The following ADAMTSL1 variants were observed in gnomAD, a reference collection of about 807,000 sequenced individuals.
The protein encoded by ADAMTSL1 is ADAMTS like 1.
ADAMTSL1 carries 126 observed loss-of-function variants against 201.8 expected under a neutral mutation model. The ratio of observed to expected loss-of-function variants is 0.62; its 90% CI spans 0.54 to 0.72. The LOEUF (loss-of-function observed/expected upper bound fraction) is 0.72, where lower values mean the gene tolerates loss of function less well. Among genes scored for constraint, ADAMTSL1 ranks in the 30% least tolerant of loss-of-function variants. ADAMTSL1 has a pLI of 0.00. For missense variants in ADAMTSL1, 2,679 were observed against 2,277.8 expected, an observed-to-expected ratio of 1.18 and a Z score of -3.59; for synonymous variants, 1,121 against 903.4, an observed-to-expected ratio of 1.24 and a Z score of -4.32.
chr9:18,787,575 A>T (rs905116677), intron 19 of ADAMTSL1, among the ~76,000 whole-genome samples: 4 of 152,008 alleles, frequency 2.6e-5, no homozygotes, highest in Admixed American at 6.6e-5. Flanking sequence ...AGAAATGAAA[A>T]TTTTTCCATG....
rs149400045 is a variant in ADAMTSL1, at chr9:17,982,851, C to G, written c.87+75929C>G. Among the ~76,000 whole-genome samples the G allele has an allele frequency of 2.6e-3, 391 of 151,930 alleles. 3 individuals are homozygous for G. Among genetic ancestry groups the G allele is most frequent in the African/African-American group, 8.9e-3 (370 of 41,446 alleles). ...AGTCTCAGCTTATTATCACTTATCA[C>G]CAAGATAATGGCAGTTCTCACTTGG... On this transcript the variant is annotated intron_variant, in intron 1 of 29. Coordinates refer to the ADAMTSL1 transcript ENST00000680146.
At chr9:18,394,332 C>T (rs1209555051) in intron 2 of ADAMTSL1, among the ~76,000 whole-genome samples, 2 of 152,200 alleles carry the variant, frequency 1.3e-5, no homozygotes, top group African/African-American at 2.4e-5. Flanking sequence ...ATTCCAATAA[C>T]AGAATCTGTC....
At chr9:18,311,269 G>C (rs1297213373) in intron 2 of ADAMTSL1, among the ~76,000 whole-genome samples, 1 of 151,738 alleles carries the variant, frequency 6.6e-6, no homozygotes, top group Non-Finnish European at 1.5e-5. Context: ...AATATTGATG[G>C]GTGCAGCAAA....
intron 2 of ADAMTSL1, among the ~76,000 whole-genome samples, chr9:18,297,361 T>TCTTTTTC (rs1362735805): frequency 6.6e-6 from 1 of 152,094 alleles, no homozygotes; most frequent in Admixed American, 6.5e-5. Context: ...TTTTCTTTTT[T>TCTTTTTC]TCTTTTTCTT....
At chr9:18,776,015 C>A in intron 18 of ADAMTSL1, 119 bp downstream of exon 18, 2 of 1,320,812 alleles carry the variant, frequency 1.5e-6, no homozygotes, top group Non-Finnish European at 2.0e-6. Flanking sequence ...ACAGTAGAAC[C>A]CCATGGAGGG....
At chr9:18,614,773 G>T (rs182931816) in intron 4 of ADAMTSL1, among the ~76,000 whole-genome samples, 1 of 152,170 alleles carries the variant, frequency 6.6e-6, no homozygotes, top group Admixed American at 6.6e-5. Flanking sequence ...CAGTTGATTT[G>T]GTCTAATTTA....
intron 2 of ADAMTSL1, among the ~76,000 whole-genome samples, chr9:18,285,981 T>C (rs1006293074): frequency 6.6e-6 from 1 of 152,118 alleles, no homozygotes; most frequent in East Asian, 1.9e-4. Context: ...AGAAACTCGA[T>C]AGCAGTCATT....
chr9:18,789,055 G>A (rs1352158314), intron 19 of ADAMTSL1, among the ~76,000 whole-genome samples: 1 of 152,096 alleles, frequency 6.6e-6, no homozygotes, highest in East Asian at 1.9e-4. Flanking sequence ...CCCATGCACA[G>A]CAAACCCTTT....
chr9:17,943,051 A>T (rs1827306597), intron 1 of ADAMTSL1, among the ~76,000 whole-genome samples: 1 of 152,016 alleles, frequency 6.6e-6, no homozygotes, highest in African/African-American at 2.4e-5. Context: ...CCTCCCAAGT[A>T]GCTGGGATTA....
intron 15 of ADAMTSL1, among the ~76,000 whole-genome samples, chr9:18,747,819 G>A (rs2133583482): frequency 6.6e-6 from 1 of 152,272 alleles, no homozygotes; most frequent in East Asian, 1.9e-4. Flanking sequence ...CAGAGAGACA[G>A]GACCACAGTC....
At chr9:18,375,543 C>T (rs1837252607) in intron 2 of ADAMTSL1, among the ~76,000 whole-genome samples, 1 of 152,126 alleles carries the variant, frequency 6.6e-6, no homozygotes, top group East Asian at 1.9e-4. Flanking sequence ...AACTTCACAA[C>T]ATATTTAGTA....
chr9:18,223,804 C>G (rs1830346770), intron 2 of ADAMTSL1, among the ~76,000 whole-genome samples: 1 of 151,652 alleles, frequency 6.6e-6, no homozygotes, highest in East Asian at 1.9e-4. Context: ...CTTTATGGGA[C>G]CAGTGATTTT....
intron 2 of ADAMTSL1, among the ~76,000 whole-genome samples, chr9:18,202,647 C>G (rs1472422190): frequency 6.6e-6 from 1 of 152,200 alleles, no homozygotes; most frequent in Non-Finnish European, 1.5e-5. Context: ...GACTATGCAT[C>G]CGTTGCACCC....
chr9:18,862,890 G>A (rs1827297574), intron 23 of ADAMTSL1, among the ~76,000 whole-genome samples: 1 of 152,156 alleles, frequency 6.6e-6, no homozygotes, highest in Admixed American at 6.5e-5. Context: ...AAATGCTGAT[G>A]TGTTTTTAAA....
At chr9:18,160,148 G>T (rs1433951483) in intron 1 of ADAMTSL1, among the ~76,000 whole-genome samples, 1 of 151,958 alleles carries the variant, frequency 6.6e-6, no homozygotes, top group Admixed American at 6.6e-5. Context: ...TTCCCGGGTT[G>T]GTTCTCTAAG....
intron 1 of ADAMTSL1, among the ~76,000 whole-genome samples, chr9:18,128,266 A>G (rs1228944602): frequency 6.6e-6 from 1 of 152,156 alleles, no homozygotes; most frequent in Non-Finnish European, 1.5e-5. Context: ...CTATCAATGG[A>G]CCACCAGGGT....
At chr9:17,922,616 G>A (rs1345513938) in intron 1 of ADAMTSL1, among the ~76,000 whole-genome samples, 1 of 152,112 alleles carries the variant, frequency 6.6e-6, no homozygotes, top group African/African-American at 2.4e-5. Flanking sequence ...CTGATATGAT[G>A]TGTCTTATTT....
intron 2 of ADAMTSL1, among the ~76,000 whole-genome samples, chr9:18,467,988 G>T (rs1453051977): frequency 6.6e-6 from 1 of 152,162 alleles, no homozygotes; most frequent in Non-Finnish European, 1.5e-5. Context: ...CTAGGAATTA[G>T]GGGCCTTGGA....
At chr9:18,889,096 C>T (rs1829080185) in intron 24 of ADAMTSL1, among the ~76,000 whole-genome samples, 1 of 152,150 alleles carries the variant, frequency 6.6e-6, no homozygotes, top group African/African-American at 2.4e-5. Context: ...TGCATAGGCT[C>T]TTTTGGGTAA....
Sources: allele counts gnomAD v4.1 joint callset (sites outside exome capture counted in the v4.1 genomes callset), GRCh38; gene constraint gnomAD v4.1.1; transcripts MANE v1.5; gene names NCBI Gene and HGNC (gene_info 2026-07-23, HGNC 2026-07-21).